Variants in TMEM108 observed in about 807,000 individuals in gnomAD.
TMEM108 encodes the protein cancer/testis antigen 124.
TMEM108 carries 12 observed loss-of-function variants against 35.1 expected under a neutral mutation model. The observed-to-expected ratio is 0.34, with a 90% CI of 0.22 to 0.55. The LOEUF is 0.55. TMEM108 is among the 20% of genes least tolerant of loss of function. The probability of loss-of-function intolerance (pLI) is 0.89; values close to 1 mark genes in which losing one functional copy is unlikely to be tolerated. For synonymous variants in TMEM108, 287 were observed against 308.6 expected (o/e 0.93, Z 0.73); for missense variants, 680 against 753.3 (o/e 0.90, Z 1.14).
At chr3:133,057,433 GTGTA>G (rs1289921355) in intron 2 of TMEM108, among the ~76,000 whole-genome samples, 384 of 24,778 alleles carry the variant, frequency 0.015, 16 homozygotes, top group African/African-American at 0.034. Context: ...GTGTGTGTGT[GTGTA>G]TATATATATA....
chr3:133,342,900 TAGAAG>T (rs1262532402), intron 3 of TMEM108, among the ~76,000 whole-genome samples: 3 of 151,600 alleles, frequency 2.0e-5, no homozygotes, highest in Non-Finnish European at 4.4e-5. Flanking sequence ...TTCAAATAGT[TAGAAG>T]AGAATTTTGA....
chr3:133,304,579 A>T (rs981160035), intron 3 of TMEM108, among the ~76,000 whole-genome samples: 1 of 152,148 alleles, frequency 6.6e-6, no homozygotes. Flanking sequence ...GATTATTCAT[A>T]TAGATGAAAT....
intron 2 of TMEM108, among the ~76,000 whole-genome samples, chr3:133,159,331 A>G (rs1016660324): frequency 1.3e-5 from 2 of 152,194 alleles, no homozygotes; most frequent in African/African-American, 4.8e-5. Flanking sequence ...TTCCCCTGGA[A>G]TTTAGCTGTT....
intron 3 of TMEM108, among the ~76,000 whole-genome samples, chr3:133,301,489 A>C (rs1947224624): frequency 6.6e-6 from 1 of 152,180 alleles, no homozygotes; most frequent in Non-Finnish European, 1.5e-5. Flanking sequence ...GAAATACTAT[A>C]TTATGCCATT....
chr3:133,387,816 A>C (rs1286543429), intron 4 of TMEM108: 1 of 984,178 alleles, frequency 1.0e-6, no homozygotes. Flanking sequence ...ATTGTCACCT[A>C]GATTCTAATT....
chr3:133,310,862 A>C (rs9853122), intron 3 of TMEM108, among the ~76,000 whole-genome samples: 45,711 of 151,972 alleles, frequency 0.3, 7,278 homozygotes, highest in African/African-American at 0.39. Flanking sequence ...GGCTGGTAGC[A>C]GTTGTTCCTT....
chr3:133,273,244 T>A (rs568051217), intron 3 of TMEM108, among the ~76,000 whole-genome samples: 1 of 152,170 alleles, frequency 6.6e-6, no homozygotes, highest in Non-Finnish European at 1.5e-5. Context: ...AAATTAAATA[T>A]GTATGTGTTT....
intron 2 of TMEM108, among the ~76,000 whole-genome samples, chr3:133,214,726 C>T (rs999668105): frequency 2.0e-5 from 3 of 152,138 alleles, no homozygotes; most frequent in Admixed American, 2.0e-4. Context: ...TGTTAGGAAC[C>T]AGGATGCATT....
chr3:133,084,355 T>A (rs2107700870), intron 2 of TMEM108, among the ~76,000 whole-genome samples: 1 of 152,300 alleles, frequency 6.6e-6, no homozygotes, highest in South Asian at 2.1e-4. Context: ...AGTATTAGAC[T>A]TATTCCAGCC....
chr3:133,102,543 C>A (rs572644821), intron 2 of TMEM108, among the ~76,000 whole-genome samples: 4 of 152,184 alleles, frequency 2.6e-5, no homozygotes, highest in African/African-American at 9.7e-5. Context: ...TGCTTAAAGT[C>A]TCCCTAGAAT....
intron 3 of TMEM108, among the ~76,000 whole-genome samples, chr3:133,234,800 G>T (rs1946208956): frequency 6.6e-6 from 1 of 152,100 alleles, no homozygotes; most frequent in South Asian, 2.1e-4. Context: ...AGGAAAAGAG[G>T]AAGTCAAATT....
At chr3:133,180,741 T>C (rs902232265) in intron 2 of TMEM108, among the ~76,000 whole-genome samples, 3 of 152,144 alleles carry the variant, frequency 2.0e-5, no homozygotes, top group Admixed American at 1.3e-4. Context: ...TGATCTTCTT[T>C]TGATAGTGAT....
chr3:133,143,364 A>G (rs1055790419), intron 2 of TMEM108, among the ~76,000 whole-genome samples: 1 of 152,156 alleles, frequency 6.6e-6, no homozygotes. Flanking sequence ...AATGTATTCA[A>G]TTCATATTCC....
At chr3:133,373,087 C>G (rs1165419949) in intron 3 of TMEM108, among the ~76,000 whole-genome samples, 2 of 152,152 alleles carry the variant, frequency 1.3e-5, no homozygotes, top group Non-Finnish European at 2.9e-5. Flanking sequence ...AGAACACTGG[C>G]CAGGCACAGT....
At chr3:133,217,987 T>C (rs1945933765) in intron 2 of TMEM108, among the ~76,000 whole-genome samples, 1 of 152,054 alleles carries the variant, frequency 6.6e-6, no homozygotes, top group Non-Finnish European at 1.5e-5. Flanking sequence ...AGGAATTGCA[T>C]TGAATCTGTA....
At chr3:133,151,010 C>T (rs1238787338) in intron 2 of TMEM108, among the ~76,000 whole-genome samples, 1 of 152,038 alleles carries the variant, frequency 6.6e-6, no homozygotes, top group Non-Finnish European at 1.5e-5. Flanking sequence ...TTTCTCTTGC[C>T]ATGCCTTTCT....
At chr3:133,365,508 G>A (rs2072478435) in intron 3 of TMEM108, among the ~76,000 whole-genome samples, 1 of 152,150 alleles carries the variant, frequency 6.6e-6, no homozygotes, top group African/African-American at 2.4e-5. Flanking sequence ...GGTGAGGGAG[G>A]ATCAGCTAAG....
rs1435154397 is a variant in TMEM108, at chr3:133,301,767, A to T, written c.40+72416A>T. 4.6e-5 allele frequency among the ~76,000 whole-genome samples: 7 copies of T among 152,278 alleles called. No homozygotes were observed. In the East Asian group the frequency reaches 1.2e-3, roughly 25 times the overall value. Reference sequence around the variant, plus strand: ...TCATTTTCATTGAATTTCATCCCATATTCCTAATATTCAAAGACCAGCACA... The same window carrying T: ...TCATTTTCATTGAATTTCATCCCATTTTCCTAATATTCAAAGACCAGCACA... On this transcript the variant is annotated intron_variant, in intron 3 of 5. Coordinates refer to ENST00000321871, the MANE Select transcript of TMEM108 (RefSeq NM_023943.4).
rs1000171035 is a variant in TMEM108 at position 133,389,267 on chromosome 3, C to G, written c.1451-913C>G. On this transcript the variant is annotated intron_variant, in intron 4 of 5. Transcript: ENST00000321871. ...TCTTCCTCCTGGGCCCTGGGAGTCT[C>G]AGGGATGAACAGACAGGGTCACATG... is the stretch of plus-strand genomic sequence containing the variant. The G allele has an allele frequency of 5.1e-6, 5 of 985,352 alleles. No individual in the cohort carries two copies. In the East Asian group the frequency reaches 5.7e-4, roughly 112 times the overall value. 61.0% of individuals were successfully genotyped at this position (985,352 alleles called of 1,614,324 possible). A position where few individuals can be genotyped will look rare whatever the true frequency, so the allele number is the denominator to read the frequency against.
Sources: allele counts gnomAD v4.1 joint callset (sites outside exome capture counted in the v4.1 genomes callset), GRCh38; gene constraint gnomAD v4.1.1; transcripts MANE v1.5; gene names NCBI Gene and HGNC (gene_info 2026-07-23, HGNC 2026-07-21).